Variants in XKR9 observed in about 807,000 individuals in gnomAD.
XKR9 encodes the protein XK related 9.
XKR9 carries 32 observed loss-of-function variants against 32.0 expected under a neutral mutation model. That is an observed-to-expected ratio of 1.00 (90% CI 0.76 to 1.34). XKR9 has a LOEUF of 1.34. XKR9 is among the 40% of genes most tolerant of loss of function. The probability of loss-of-function intolerance (pLI) is 0.00; values close to 1 mark genes in which losing one functional copy is unlikely to be tolerated. For missense variants in XKR9, 546 were observed against 429.7 expected, an observed-to-expected ratio of 1.27 and a Z score of -2.39; for synonymous variants, 168 against 143.4, an observed-to-expected ratio of 1.17 and a Z score of -1.22.
chr8:71,050,608 CA>C, the XKR9 span, among the ~76,000 whole-genome samples: 1 of 151,980 alleles, frequency 6.6e-6, no homozygotes, highest in African/African-American at 2.4e-5. Context: ...AAAGAACTGT[CA>C]GAACTTGGGG....
the XKR9 span, among the ~76,000 whole-genome samples, chr8:70,926,151 T>C: frequency 6.6e-6 from 1 of 152,224 alleles, no homozygotes; most frequent in African/African-American, 2.4e-5. Flanking sequence ...CTCGGCTCAC[T>C]GCAACCTCCA....
downstream of XKR9, among the ~76,000 whole-genome samples, chr8:70,736,660 G>A (rs1464324969): frequency 2.6e-5 from 4 of 152,066 alleles, no homozygotes; most frequent in East Asian, 7.7e-4. Flanking sequence ...TGTAAGGAAG[G>A]GATCCAGTTT....
chr8:70,841,066 G>A, the XKR9 span, among the ~76,000 whole-genome samples: 1 of 151,942 alleles, frequency 6.6e-6, no homozygotes, highest in African/African-American at 2.4e-5. Context: ...GTGAAAAACA[G>A]GCTTTTGTTT....
At chr8:70,996,792 T>C in the XKR9 span, among the ~76,000 whole-genome samples, 399 of 152,068 alleles carry the variant, frequency 2.6e-3, 4 homozygotes, top group African/African-American at 9.1e-3. Flanking sequence ...CATAAAAGAA[T>C]TATTTGACTT....
chr8:70,991,888 T>C, the XKR9 span, among the ~76,000 whole-genome samples: 1 of 149,578 alleles, frequency 6.7e-6, no homozygotes, highest in South Asian at 2.2e-4. Context: ...ATTTCTGTCT[T>C]CTTTAGATTT....
the XKR9 span, among the ~76,000 whole-genome samples, chr8:70,977,002 T>G: frequency 5.3e-5 from 8 of 152,092 alleles, no homozygotes; most frequent in African/African-American, 1.7e-4. Context: ...TAGTTTATTT[T>G]CATAGAGGTG....
At chr8:71,062,442 T>C in the XKR9 span, among the ~76,000 whole-genome samples, 3 of 152,156 alleles carry the variant, frequency 2.0e-5, no homozygotes, top group Non-Finnish European at 4.4e-5. Context: ...GTCTCTTTTA[T>C]AGGGCTCCAC....
the XKR9 span, among the ~76,000 whole-genome samples, chr8:70,809,342 GA>G: frequency 3.3e-5 from 5 of 151,976 alleles, no homozygotes; most frequent in Non-Finnish European, 7.4e-5. Context: ...ACAAACATGG[GA>G]AAAAAACAGA....
At chr8:70,798,603 G>T in the XKR9 span, among the ~76,000 whole-genome samples, 2 of 152,156 alleles carry the variant, frequency 1.3e-5, no homozygotes, top group African/African-American at 4.8e-5. Flanking sequence ...CGCTTTTGAG[G>T]TTTTTGTCAT....
intron 2 of XKR9, among the ~76,000 whole-genome samples, chr8:70,745,842 A>T (rs917334892): frequency 6.6e-6 from 1 of 152,198 alleles, no homozygotes; most frequent in African/African-American, 2.4e-5. Context: ...CTCATTTCCA[A>T]TTGTAAATCT....
chr8:70,834,233 T>A, the XKR9 span, among the ~76,000 whole-genome samples: 1 of 152,100 alleles, frequency 6.6e-6, no homozygotes, highest in Non-Finnish European at 1.5e-5. Context: ...TTTACAACTT[T>A]CTGTTATGTT....
At chr8:70,796,012 C>T in the XKR9 span, among the ~76,000 whole-genome samples, 1 of 151,844 alleles carries the variant, frequency 6.6e-6, no homozygotes, top group Non-Finnish European at 1.5e-5. Flanking sequence ...TTTTTGATTA[C>T]TCACTCAATT....
chr8:70,856,619 G>A, the XKR9 span, among the ~76,000 whole-genome samples: 10 of 152,128 alleles, frequency 6.6e-5, no homozygotes, highest in Non-Finnish European at 1.0e-4. Flanking sequence ...TGCACCAAGC[G>A]GACCTAATAG....
At chr8:70,944,133 TC>T in the XKR9 span, among the ~76,000 whole-genome samples, 1 of 136,122 alleles carries the variant, frequency 7.3e-6, no homozygotes, top group East Asian at 1.9e-4. Flanking sequence ...AGAAAGTTAT[TC>T]CCCCCGCCAA....
chr8:70,762,516 G>T (rs1563472279), intron 2 of XKR9, among the ~76,000 whole-genome samples: 1 of 152,160 alleles, frequency 6.6e-6, no homozygotes, highest in Non-Finnish European at 1.5e-5. Context: ...TGCTCCTTAT[G>T]AGAATCTAAC....
At chr8:70,763,759 C>G (rs1807337605) in intron 2 of XKR9, among the ~76,000 whole-genome samples, 1 of 152,142 alleles carries the variant, frequency 6.6e-6, no homozygotes. Context: ...TGTTGCTCCT[C>G]TTCAAATTAT....
At chr8:70,862,773 G>C in the XKR9 span, among the ~76,000 whole-genome samples, 26 of 152,134 alleles carry the variant, frequency 1.7e-4, no homozygotes, top group African/African-American at 6.0e-4. Flanking sequence ...CTGGTGGGGA[G>C]ACAGGTATTA....
At chr8:70,774,864 T>A (rs1807498443) in intron 2 of XKR9, among the ~76,000 whole-genome samples, 1 of 152,160 alleles carries the variant, frequency 6.6e-6, no homozygotes, top group Non-Finnish European at 1.5e-5. Context: ...TACTGTTATA[T>A]GTCTCTTTTA....
chr8:70,674,431 C>G (rs954991590), intron 1 of XKR9, among the ~76,000 whole-genome samples: 3 of 152,138 alleles, frequency 2.0e-5, no homozygotes, highest in Non-Finnish European at 4.4e-5. Context: ...CAATCATATG[C>G]TCTTTGGGGC....
Sources: allele counts gnomAD v4.1 joint callset (sites outside exome capture counted in the v4.1 genomes callset), GRCh38; gene constraint gnomAD v4.1.1; transcripts MANE v1.5; gene names NCBI Gene and HGNC (gene_info 2026-07-23, HGNC 2026-07-21).